Variants in TRPM2 observed in about 807,000 individuals in gnomAD.
TRPM2 encodes transient receptor potential cation channel subfamily M member 2.
In TRPM2, 161 loss-of-function variants were observed where a neutral mutation model predicts 174.0. The observed-to-expected ratio is 0.93, with a 90% CI of 0.81 to 1.05. The LOEUF is 1.05. Ranked by LOEUF, TRPM2 falls within the 50% of genes least tolerant of loss-of-function variation. The probability of loss-of-function intolerance (pLI) is 0.00; values close to 1 mark genes in which losing one functional copy is unlikely to be tolerated. For missense variants in TRPM2, 2,057 were observed against 2,038.0 expected (o/e 1.01, Z -0.18); for synonymous variants, 954 against 861.3 (o/e 1.11, Z -1.88).
chr21:44,440,545 C>T (rs544922783), intron 30 of TRPM2, among the ~76,000 whole-genome samples: 20 of 152,328 alleles, frequency 1.3e-4, no homozygotes, highest in South Asian at 1.0e-3. Flanking sequence ...ACTGAGCAGA[C>T]GTTTCCAAGG....
rs749922270 is a variant in TRPM2, at chr21:44,375,854, A to G, written c.793A>G (p.Ile265Val). The G allele has an allele frequency of 1.4e-5, 23 of 1,613,724 alleles. No homozygotes were observed. The East Asian group carries it at 4.7e-4, about 33-fold the overall frequency. The change falls in exon 6 of 32, where the codon ATA becomes GTA. Residue 265 changes from isoleucine to valine, a missense_variant. By Grantham distance (29) the Ile-to-Val change is conservative. Coordinates refer to ENST00000397928, the MANE Select transcript of TRPM2 (RefSeq NM_003307.4). ...CCAGGGCAGCTTCCCCGCCGAGTAC[A>G]TACTGGATGAGGATGGCCAAGGGAA... is the stretch of plus-strand genomic sequence containing the variant. Reference protein sequence around the residue: ...HPTGSFPAEYILDEDGQGNLT... With the variant: ...HPTGSFPAEYVLDEDGQGNLT...
intron 27 of TRPM2, 46 bp from the exon 28 acceptor site, chr21:44,435,085 C>T (rs376159516): frequency 6.3e-6 from 10 of 1,582,016 alleles, no homozygotes; most frequent in African/African-American, 5.4e-5. Context: ...CTGTCCTGCT[C>T]CCCCATTGGT....
chr21:44,420,723 G>T (rs77255960), intron 22 of TRPM2, among the ~76,000 whole-genome samples: 1 of 152,208 alleles, frequency 6.6e-6, no homozygotes, highest in Admixed American at 6.5e-5. Context: ...GGCGGCCTCC[G>T]CATGTCAGGA....
chr21:44,377,913 A>G (rs1365486577), intron 7 of TRPM2, 140 bp downstream of exon 7: 3 of 1,020,886 alleles, frequency 2.9e-6, no homozygotes, highest in Non-Finnish European at 1.4e-6. Flanking sequence ...GAGAAAGAGC[A>G]TCTACGCTGT....
rs770152025 is a variant in TRPM2 at position 44,399,685 on chromosome 21, C to G, written c.2208+244C>G. Among the ~76,000 whole-genome samples, 19 of 152,190 alleles carry G rather than the reference C, an allele frequency of 1.2e-4. No individual in the cohort carries two copies. Among genetic ancestry groups the G allele is most frequent in the South Asian group, 1.0e-3 (5 of 4,836 alleles). ...GCCATGGAGATCGCAATTCACCTCC[C>G]CATGGATGTTCCTACCTGGGAGCGG... On this transcript the variant is annotated intron_variant, in intron 14 of 31. Transcript: ENST00000397928. This position sits in a 1 kb window ranked among gnomAD's most constrained non-coding sequence, Gnocchi z 4.6.
At chr21:44,364,040 G>C in intron 2 of TRPM2, 74 bp from the exon 3 acceptor site, 1 of 1,491,910 alleles carries the variant, frequency 6.7e-7, no homozygotes, top group Non-Finnish European at 9.0e-7. Context: ...TTTCCACTGG[G>C]CCTCCTCTGA....
At chr21:44,350,285 C>T (rs2047908050), upstream of TRPM2, 1 of 150,426 alleles carries the variant, frequency 6.6e-6, no homozygotes, top group Non-Finnish European at 1.5e-5. Flanking sequence ...GGTAGGTGCC[C>T]GCCGGGGCCG....
chr21:44,416,927 G>A (rs2050307910), intron 20 of TRPM2, among the ~76,000 whole-genome samples: 1 of 128,926 alleles, frequency 7.8e-6, no homozygotes, highest in African/African-American at 3.0e-5. Context: ...CGTGGGCGTG[G>A]CTCTGCTCTC....
At chr21:44,350,597 G>A (rs1280997250), upstream of TRPM2, among the ~76,000 whole-genome samples, 7 of 132,800 alleles carry the variant, frequency 5.3e-5, no homozygotes, top group Admixed American at 4.4e-4. Flanking sequence ...CGCGGGTGGG[G>A]CTCGAGGCGC....
rs535718388 is a variant in TRPM2 at position 44,369,428 on chromosome 21, G to T, written c.771+85G>T. The T allele has an allele frequency of 2.8e-5, 42 of 1,495,812 alleles. No individual in the cohort carries two copies. In the East Asian group the frequency reaches 8.8e-4, roughly 31 times the overall value. 92.7% of individuals were successfully genotyped at this position (1,495,812 alleles called of 1,614,324 possible). ...GGGCGCTGTGGGGAGCAGGTGGAGT[G>T]TACGGGGGCCGGGGTGTGGGTGACG... On this transcript the variant is annotated intron_variant, in intron 5 of 31. Transcript: ENST00000397928.
intron 27 of TRPM2, among the ~76,000 whole-genome samples, chr21:44,427,675 G>T (rs374075950): frequency 6.6e-6 from 1 of 152,164 alleles, no homozygotes; most frequent in Non-Finnish European, 1.5e-5. Flanking sequence ...ACCTGGGACT[G>T]GGGGGTTGCC....
At chr21:44,359,657 C>T (rs1432533164) in intron 2 of TRPM2, among the ~76,000 whole-genome samples, 1 of 145,666 alleles carries the variant, frequency 6.9e-6, no homozygotes, top group Non-Finnish European at 1.5e-5. Flanking sequence ...GTCCATTTTA[C>T]AGAGCGCTGA....
rs2048595294 is a variant in TRPM2, at chr21:44,373,294, C to T, written c.772-2539C>T. The stretch of plus-strand genomic sequence containing the variant: ...CTCCGCCTCCTGGGTTCAAGTGATT[C>T]TCCTGCCTCAGCCTCCTGAGTAGCT... On this transcript the variant is annotated intron_variant, in intron 5 of 31. Transcript: ENST00000397928. Among the ~76,000 whole-genome samples the T allele has an allele frequency of 2.0e-5, 3 of 152,100 alleles. No homozygotes were observed. In the South Asian group the frequency reaches 6.2e-4, roughly 32 times the overall value.
At chr21:44,419,756 C>CCGT (rs1569098022) in intron 22 of TRPM2, among the ~76,000 whole-genome samples, 1 of 42,086 alleles carries the variant, frequency 2.4e-5, no homozygotes, top group African/African-American at 8.4e-5. Context: ...GTGATGATGG[C>CCGT]AGTGGTGGTG....
Position 44,366,488 on chromosome 21 carries a change from G to A in TRPM2, c.424-266G>A, listed in dbSNP as rs1439486164. Among the ~76,000 whole-genome samples the A allele has an allele frequency of 6.6e-6, 1 of 152,140 alleles. No individual in the cohort carries two copies. The highest frequency in any genetic ancestry group is 1.5e-5 in the Non-Finnish European group (1 of 68,024). On this transcript the variant is annotated intron_variant, in intron 3 of 31. Coordinates refer to ENST00000397928, the MANE Select transcript of TRPM2 (RefSeq NM_003307.4). The surrounding 1 kb of genome is among the most constrained non-coding windows in gnomAD (Gnocchi z 6.0). Reference sequence around the variant, plus strand: ...AGAGGAAGAGGAAAAAGTGGGTGCCGTGGGGGCACGAGGGCTGGGGGAGGT... The same window carrying A: ...AGAGGAAGAGGAAAAAGTGGGTGCCATGGGGGCACGAGGGCTGGGGGAGGT...
At chr21:44,413,837 C>T in intron 19 of TRPM2, 54 bp from the exon 20 acceptor site, 2 of 1,576,722 alleles carry the variant, frequency 1.3e-6, no homozygotes, top group Non-Finnish European at 1.7e-6. Flanking sequence ...CTGCCAAGCT[C>T]CTCTTGACTC....
At position 44,438,704 on chromosome 21, in the gene TRPM2, T is replaced by A. The variant is rs1306702761; in HGVS notation, c.4168-363T>A. ...CAGGGAACCCGCCGTGGCAGCCTGC[T>A]GCACTGGGCGGGAGCTGGGAGGGGC... On this transcript the variant is annotated intron_variant, in intron 29 of 31. Coordinates refer to ENST00000397928, the MANE Select transcript of TRPM2 (RefSeq NM_003307.4). The surrounding 1 kb of genome is among the most constrained non-coding windows in gnomAD (Gnocchi z 5.9). Among the ~76,000 whole-genome samples, 1 of 152,062 alleles carries A rather than the reference T, an allele frequency of 6.6e-6. No homozygotes were observed. The highest frequency in any genetic ancestry group is 1.5e-5 in the Non-Finnish European group (1 of 67,970).
chr21:44,401,537 T>C (rs752865662), intron 15 of TRPM2, 144 bp from the exon 16 acceptor site: 238 of 790,302 alleles, frequency 3.0e-4, no homozygotes, highest in Non-Finnish European at 4.6e-4. Context: ...TAGCTGCCGT[T>C]ATGGCCCCGG....
intron 16 of TRPM2, among the ~76,000 whole-genome samples, chr21:44,404,875 A>G (rs1373925983): frequency 7.6e-6 from 1 of 131,368 alleles, no homozygotes; most frequent in African/African-American, 2.5e-5. Flanking sequence ...GACTGTGATG[A>G]TAGTGGATAG....
Sources: gnomAD v4.1 joint callset for allele counts (sites outside exome capture counted in the v4.1 genomes callset) on GRCh38, gnomAD v4.1.1 for gene constraint, Gnocchi (gnomAD v3.1) non-coding constraint, MANE v1.5 for transcripts, NCBI Gene and HGNC (gene_info 2026-07-23, HGNC 2026-07-21) for gene names.